The following WDR43 variants were observed in gnomAD, a reference collection of about 807,000 sequenced individuals.
WDR43 encodes the protein WD repeat-containing protein 43.
In WDR43, 13 loss-of-function variants were observed where a neutral mutation model predicts 91.4. The observed-to-expected ratio is 0.14, with a 90% CI of 0.09 to 0.23. WDR43 has a LOEUF of 0.23. WDR43 is among the 10% of genes least tolerant of loss of function. The pLI, the probability that WDR43 is intolerant of heterozygous loss-of-function variation, is 1.00. For synonymous variants in WDR43, 331 were observed against 287.9 expected, an observed-to-expected ratio of 1.15 and a Z score of -1.51; for missense variants, 780 against 809.4, an observed-to-expected ratio of 0.96 and a Z score of 0.44.
In WDR43 at chr2:28,925,111, G is replaced by C; in HGVS notation, c.1044G>C (p.Leu348Phe). ...TTTGCTCAGACAAAATGTCATTGTT[G>C]CTTGTATATGGCAGTTGGTTTCAGC... is the stretch of plus-strand genomic sequence containing the variant. ...AGFCSDKMSLLLVYGSWFQPT... is the reference protein window; with the variant it reads ...AGFCSDKMSLFLVYGSWFQPT... Residue 348 changes from leucine (L) to phenylalanine (F), a missense_variant, in exon 8 of 18, where the codon TTG (leucine) becomes TTC (phenylalanine). Around this residue, in one of 4 missense-constraint regions of WDR43, gnomAD observed 426 missense variants for 467.8 expected, o/e 0.91. Transcript: ENST00000407426. The C allele has an allele frequency of 6.2e-7, 1 of 1,613,878 alleles. No homozygotes were observed.
Position 28,906,087 on chromosome 2 carries a change from T to C in WDR43, c.364-373T>C, listed in dbSNP as rs540050378. 2.0e-5 allele frequency among the ~76,000 whole-genome samples: 3 copies of C among 152,342 alleles called. No homozygotes were observed. In the East Asian group the frequency reaches 5.8e-4, roughly 29 times the overall value. On this transcript the variant is annotated intron_variant, in intron 2 of 17. Coordinates refer to ENST00000407426, the MANE Select transcript of WDR43 (RefSeq NM_015131.3). ...CTCTAGGGTTCATATTATCATAATA[T>C]GTAAGACAAGTTTTATTTTCTTCTT...
chr2:28,908,878 A>G (rs745902345), intron 3 of WDR43, among the ~76,000 whole-genome samples: 2 of 152,160 alleles, frequency 1.3e-5, no homozygotes, highest in East Asian at 1.9e-4. Context: ...ATTTGTTTAC[A>G]TTATGACTAG....
intron 6 of WDR43, among the ~76,000 whole-genome samples, chr2:28,921,101 TAAA>T (rs1558376382): frequency 1.3e-5 from 2 of 151,706 alleles, no homozygotes; most frequent in Admixed American, 6.6e-5. Context: ...TTATTGATAA[TAAA>T]GAAGGGAGCA....
chr2:28,913,428 T>C (rs1478948423), intron 4 of WDR43, among the ~76,000 whole-genome samples: 1 of 152,048 alleles, frequency 6.6e-6, no homozygotes, highest in African/African-American at 2.4e-5. Context: ...CCTCCCAGGC[T>C]CAAGCGATGT....
intron 6 of WDR43, 83 bp from the exon 7 acceptor site, chr2:28,922,836 A>T (rs1572593596): frequency 2.8e-6 from 2 of 706,854 alleles, no homozygotes; most frequent in Non-Finnish European, 4.2e-6. Flanking sequence ...ATGGGGTGGG[A>T]AGGACAGCTG....
intron 1 of WDR43, among the ~76,000 whole-genome samples, chr2:28,897,081 G>T (rs2148175632): frequency 6.6e-6 from 1 of 152,186 alleles, no homozygotes; most frequent in South Asian, 2.1e-4. Context: ...CTGGTCAAGT[G>T]CCCCGATTTT....
At chr2:28,922,284 T>G (rs1671044978) in intron 6 of WDR43, among the ~76,000 whole-genome samples, 1 of 152,182 alleles carries the variant, frequency 6.6e-6, no homozygotes, top group Admixed American at 6.5e-5. Flanking sequence ...CCTTTATAAT[T>G]AGAGTAGGAA....
chr2:28,940,111 CAAAAAAA>C (rs369746530), intron 14 of WDR43, among the ~76,000 whole-genome samples: 1 of 103,366 alleles, frequency 9.7e-6, no homozygotes. Flanking sequence ...GACTCCGTCT[CAAAAAAA>C]AAAAAAAAAA....
intron 3 of WDR43, 91 bp from the exon 4 acceptor site, chr2:28,912,499 T>A: frequency 6.7e-7 from 1 of 1,486,374 alleles, no homozygotes; most frequent in Non-Finnish European, 9.2e-7. Context: ...ATATTTTTAA[T>A]GATTGTTCAG....
chr2:28,900,609 G>A (rs1459255614), intron 1 of WDR43, among the ~76,000 whole-genome samples: 2 of 152,030 alleles, frequency 1.3e-5, no homozygotes, highest in Non-Finnish European at 2.9e-5. Flanking sequence ...AATTATTTTT[G>A]CCCCTGGAAT....
intron 1 of WDR43, among the ~76,000 whole-genome samples, chr2:28,896,152 C>T (rs1208698458): frequency 6.6e-6 from 1 of 151,866 alleles, no homozygotes. Context: ...CTTTTATTTT[C>T]AAAGTTTTCT....
At chr2:28,910,694 T>TATATATAA (rs1001847583) in intron 3 of WDR43, among the ~76,000 whole-genome samples, 1 of 148,312 alleles carries the variant, frequency 6.7e-6, no homozygotes, top group African/African-American at 2.5e-5. Context: ...TATATATATA[T>TATATATAA]AATTATTATT....
intron 16 of WDR43, among the ~76,000 whole-genome samples, chr2:28,946,104 C>T (rs1238242593): frequency 6.6e-6 from 1 of 151,962 alleles, no homozygotes; most frequent in African/African-American, 2.4e-5. Context: ...GGGAGGCAGA[C>T]GTGAGCGGAT....
chr2:28,918,321 GGTGTGT>G (rs10578792), intron 6 of WDR43, among the ~76,000 whole-genome samples: 13 of 150,686 alleles, frequency 8.6e-5, no homozygotes, highest in South Asian at 2.1e-4. Flanking sequence ...TCCTAACTAA[GGTGTGT>G]GTGTGTGTGT....
chr2:28,907,644 G>T (rs1044346805), intron 3 of WDR43, among the ~76,000 whole-genome samples: 35 of 151,278 alleles, frequency 2.3e-4, no homozygotes, highest in Non-Finnish European at 4.3e-4. Context: ...GGTGGCTCAC[G>T]CCTGTAATCC....
intron 7 of WDR43, 130 bp from the exon 8 acceptor site, chr2:28,924,852 C>A: frequency 4.8e-6 from 5 of 1,036,514 alleles, no homozygotes; most frequent in Non-Finnish European, 7.0e-6. Flanking sequence ...GCTCCGGAGA[C>A]CCAGGTGACT....
chr2:28,903,996 G>A lies in WDR43; in HGVS notation c.363+1872G>A, dbSNP rs541932535. On this transcript the variant is annotated intron_variant, in intron 2 of 17. Transcript: ENST00000407426. ...ATTTTTGTATTTTTAGTAGAGATGG[G>A]GTTTTGTCATGTTGGCCATGCTGGT... is the stretch of plus-strand genomic sequence containing the variant. Among the ~76,000 whole-genome samples the A allele has an allele frequency of 2.6e-5, 4 of 152,104 alleles. No individual in the cohort carries two copies. The South Asian group carries it at 8.3e-4, about 32-fold the overall frequency.
At chr2:28,939,862 C>A (rs1671400864) in intron 14 of WDR43, among the ~76,000 whole-genome samples, 1 of 152,096 alleles carries the variant, frequency 6.6e-6, no homozygotes, top group African/African-American at 2.4e-5. Context: ...AATCCCTGCA[C>A]TTTGGGAGGC....
At chr2:28,920,201 AT>A (rs1670995108) in intron 6 of WDR43, among the ~76,000 whole-genome samples, 1 of 149,800 alleles carries the variant, frequency 6.7e-6, no homozygotes. Flanking sequence ...TTCTGAAAAA[AT>A]AAAAATAAAT....
Sources: allele counts gnomAD v4.1 joint callset (sites outside exome capture counted in the v4.1 genomes callset), GRCh38; gene constraint gnomAD v4.1.1; regional missense constraint gnomAD v4.1.1; transcripts MANE v1.5; gene names NCBI Gene and HGNC (gene_info 2026-07-23, HGNC 2026-07-21).